Variants in GLIS3 observed in about 807,000 individuals in gnomAD.
GLIS3 encodes the protein zinc finger protein GLIS3.
Under a neutral mutation model 78.6 loss-of-function variants are expected in GLIS3, and 53 were observed. That is an observed-to-expected ratio of 0.67 (90% CI 0.54 to 0.85). The LOEUF is 0.85. GLIS3 is among the 40% of genes least tolerant of loss of function. GLIS3 has a pLI of 0.00. For missense variants in GLIS3, 1,703 were observed against 1,231.1 expected (o/e 1.38, Z -5.74); for synonymous variants, 684 against 509.9 (o/e 1.34, Z -4.60).
chr9:4,025,801 T>G (rs906539059), intron 4 of GLIS3, among the ~76,000 whole-genome samples: 2 of 152,110 alleles, frequency 1.3e-5, no homozygotes, highest in Admixed American at 1.3e-4. Context: ...AAAGAAAATA[T>G]TCATAAGAAT....
intron 9 of GLIS3, among the ~76,000 whole-genome samples, chr9:3,854,453 C>T (rs1234013709): frequency 6.6e-6 from 1 of 152,034 alleles, no homozygotes; most frequent in Non-Finnish European, 1.5e-5. Flanking sequence ...GAACCAATAG[C>T]TCTGGTTTTT....
intron 7 of GLIS3, among the ~76,000 whole-genome samples, chr9:3,892,623 TA>T (rs1293648891): frequency 2.0e-5 from 3 of 152,074 alleles, no homozygotes; most frequent in Admixed American, 2.0e-4. Context: ...CATACAAGTA[TA>T]AAAAAGATGA....
chr9:4,209,815 G>C (rs13300860), intron 2 of GLIS3, among the ~76,000 whole-genome samples: 70 of 25,100 alleles, frequency 2.8e-3, no homozygotes, highest in African/African-American at 8.2e-3. Context: ...TAGCATTCCC[G>C]CCCCCCCCCA....
In GLIS3 at chr9:3,824,571, A is replaced by T. The variant is rs1817624946; in HGVS notation, c.*3701T>A. ...CTTCATGAACAAGACAAAATAACTTATGATTATATGAAACATAACTGTGAC... is the reference window on the plus strand; with the variant it reads ...CTTCATGAACAAGACAAAATAACTTTTGATTATATGAAACATAACTGTGAC... On this transcript the variant is annotated 3_prime_UTR_variant, in exon 11 of 11. Coordinates refer to ENST00000381971, the MANE Select transcript of GLIS3 (RefSeq NM_001042413.2). The T allele has an allele frequency of 6.6e-6, 1 of 152,422 alleles. No homozygotes were observed. Among genetic ancestry groups the T allele is most frequent in the Non-Finnish European group, 1.5e-5 (1 of 68,034 alleles). 9.4% of individuals were successfully genotyped at this position (152,422 alleles called of 1,614,324 possible).
chr9:4,048,818 G>C (rs150128576), intron 4 of GLIS3, among the ~76,000 whole-genome samples: 6 of 152,232 alleles, frequency 3.9e-5, no homozygotes, highest in African/African-American at 1.4e-4. Flanking sequence ...ACAAATATCT[G>C]ACCAACAACT....
intron 6 of GLIS3, among the ~76,000 whole-genome samples, chr9:3,900,491 C>CT (rs1361181160): frequency 6.6e-6 from 1 of 151,682 alleles, no homozygotes; most frequent in African/African-American, 2.4e-5. Flanking sequence ...TGTACCCCCC[C>CT]CAAAATATAC....
At chr9:3,889,286 T>A (rs1245065066) in intron 7 of GLIS3, among the ~76,000 whole-genome samples, 1 of 152,220 alleles carries the variant, frequency 6.6e-6, no homozygotes, top group Non-Finnish European at 1.5e-5. Flanking sequence ...TCTTGCAATT[T>A]GTTGCCTTTA....
chr9:4,313,160 G>T (rs1246956561), intron 2 of GLIS3, among the ~76,000 whole-genome samples: 1 of 152,168 alleles, frequency 6.6e-6, no homozygotes, highest in South Asian at 2.1e-4. Flanking sequence ...GGTGGAGGTT[G>T]GACATACAGA....
chr9:4,312,808 C>A (rs1175594525), intron 2 of GLIS3, among the ~76,000 whole-genome samples: 3 of 152,232 alleles, frequency 2.0e-5, no homozygotes, highest in Non-Finnish European at 4.4e-5. Flanking sequence ...ATCATTTAAT[C>A]TCTGCTCCTC....
chr9:3,877,220 C>T (rs113457617), intron 8 of GLIS3, among the ~76,000 whole-genome samples: 3,658 of 151,932 alleles, frequency 0.024, 168 homozygotes, highest in African/African-American at 0.084. Context: ...TCATTTAGAA[C>T]CAAACAGAAA....
At chr9:4,103,139 T>C (rs1163065547) in intron 4 of GLIS3, among the ~76,000 whole-genome samples, 1 of 152,206 alleles carries the variant, frequency 6.6e-6, no homozygotes, top group Admixed American at 6.6e-5. Flanking sequence ...CTAGCTATCA[T>C]AATCACAGTA....
chr9:4,485,148 G>C, the GLIS3 span, among the ~76,000 whole-genome samples: 1 of 151,890 alleles, frequency 6.6e-6, no homozygotes, highest in Non-Finnish European at 1.5e-5. Flanking sequence ...CCGAGTAGCT[G>C]GGATTACAGG....
chr9:4,154,032 G>C (rs1428787626), intron 2 of GLIS3, among the ~76,000 whole-genome samples: 1 of 152,198 alleles, frequency 6.6e-6, no homozygotes, highest in Non-Finnish European at 1.5e-5. Context: ...CTATCAGCTA[G>C]GAGCTACGCT....
At chr9:4,417,593 G>A in the GLIS3 span, among the ~76,000 whole-genome samples, 36 of 152,240 alleles carry the variant, frequency 2.4e-4, no homozygotes, top group African/African-American at 7.5e-4. Context: ...TCCTATACAT[G>A]CAATTTGGGG....
At chr9:4,178,258 C>A (rs1263825673) in intron 2 of GLIS3, among the ~76,000 whole-genome samples, 1 of 151,728 alleles carries the variant, frequency 6.6e-6, no homozygotes, top group African/African-American at 2.4e-5. Context: ...ATTTCTGCCC[C>A]CACAATTTAC....
At chr9:4,363,028 C>A in the GLIS3 span, among the ~76,000 whole-genome samples, 1 of 152,050 alleles carries the variant, frequency 6.6e-6, no homozygotes, top group African/African-American at 2.4e-5. Context: ...GAACACTGGT[C>A]CATTATTTAC....
chr9:4,278,210 C>G (rs1253873641), intron 2 of GLIS3, among the ~76,000 whole-genome samples: 3 of 152,194 alleles, frequency 2.0e-5, no homozygotes, highest in African/African-American at 7.2e-5. Context: ...CACTATCTTT[C>G]TCTAATATAT....
At chr9:4,388,392 G>A in the GLIS3 span, among the ~76,000 whole-genome samples, 11 of 151,944 alleles carry the variant, frequency 7.2e-5, no homozygotes, top group Non-Finnish European at 2.9e-5. Flanking sequence ...AGAGTAGAGA[G>A]GCAGGGCCAG....
chr9:4,255,115 C>T (rs944528331), intron 2 of GLIS3, among the ~76,000 whole-genome samples: 5 of 152,148 alleles, frequency 3.3e-5, no homozygotes, highest in African/African-American at 1.2e-4. Flanking sequence ...AGAAGATCTG[C>T]AACATCATAC....
Sources: allele counts gnomAD v4.1 joint callset (sites outside exome capture counted in the v4.1 genomes callset), GRCh38; gene constraint gnomAD v4.1.1; transcripts MANE v1.5; gene names NCBI Gene and HGNC (gene_info 2026-07-23, HGNC 2026-07-21).